Variants in SIAH1 observed in about 807,000 individuals in gnomAD.
SIAH1 encodes the protein E3 ubiquitin-protein ligase SIAH1.
In SIAH1, 2 loss-of-function variants were observed where a neutral mutation model predicts 20.0. That is an observed-to-expected ratio of 0.10 (90% CI 0.04 to 0.31). The LOEUF (loss-of-function observed/expected upper bound fraction) is 0.31. Ranked by LOEUF, SIAH1 falls within the 10% of genes least tolerant of loss-of-function variation. The probability of loss-of-function intolerance (pLI) is 1.00; values close to 1 mark genes in which losing one functional copy is unlikely to be tolerated. For missense variants in SIAH1, 119 were observed against 355.3 expected (o/e 0.33, Z 5.35); for synonymous variants, 118 against 125.3 (o/e 0.94, Z 0.39).
chr16:48,386,244 C>G (rs867746102), upstream of SIAH1, among the ~76,000 whole-genome samples: 1 of 152,226 alleles, frequency 6.6e-6, no homozygotes, highest in Non-Finnish European at 1.5e-5. Flanking sequence ...CGGTGGCTCA[C>G]GCCTGTAATC....
chr16:48,367,067 C>A (rs76954201), intron 1 of SIAH1, among the ~76,000 whole-genome samples: 1 of 152,080 alleles, frequency 6.6e-6, no homozygotes, highest in South Asian at 2.1e-4. Context: ...CCACCACTCT[C>A]GTTAATTTTC....
At chr16:48,376,280 A>G (rs950845123) in intron 1 of SIAH1, among the ~76,000 whole-genome samples, 2 of 152,194 alleles carry the variant, frequency 1.3e-5, no homozygotes, top group African/African-American at 2.4e-5. Flanking sequence ...TTTAATGCAC[A>G]TTTTATCATA....
At position 48,380,383 on chromosome 16, in the gene SIAH1, G is replaced by A. The variant is rs538353928; in HGVS notation, c.-3+4821C>T. 9.2e-5 allele frequency among the ~76,000 whole-genome samples: 14 copies of A among 152,162 alleles called. No individual in the cohort carries two copies. The South Asian group carries it at 2.9e-3, about 32-fold the overall frequency. ...GAGAACAACTGCTTGAGCCTGGGAG[G>A]CGGAGGTTGCAGTTAGCTGAGTTGG... On this transcript the variant is annotated intron_variant, in intron 1 of 1. Coordinates refer to ENST00000394725, the MANE Select transcript of SIAH1 (RefSeq NM_003031.4).
intron 1 of SIAH1, among the ~76,000 whole-genome samples, chr16:48,382,360 G>A (rs1465264797): frequency 6.6e-6 from 1 of 151,624 alleles, no homozygotes; most frequent in East Asian, 1.9e-4. Flanking sequence ...CTCCAGCCTG[G>A]GCAACATAGC....
intron 1 of SIAH1, among the ~76,000 whole-genome samples, chr16:48,376,237 T>C (rs1193721936): frequency 6.6e-6 from 1 of 152,164 alleles, no homozygotes; most frequent in Non-Finnish European, 1.5e-5. Context: ...TTTCATAAAA[T>C]TATTGGCAAC....
chr16:48,372,863 TA>T (rs1447763859), intron 1 of SIAH1, among the ~76,000 whole-genome samples: 1 of 152,196 alleles, frequency 6.6e-6, no homozygotes, highest in Non-Finnish European at 1.5e-5. Context: ...AGTGAATCAG[TA>T]ATTTGAATTT....
rs376591004 is a variant in SIAH1 at position 48,370,932 on chromosome 16, G to A, written c.-2-8502C>T. ...AGTTTGAGATCAGCCTGGCCAACGT[G>A]GTAAAAAGTTGTCTCTACTAAAAAT... On this transcript the variant is annotated intron_variant, in intron 1 of 1. Coordinates refer to ENST00000394725, the MANE Select transcript of SIAH1 (RefSeq NM_003031.4). 1.6e-3 allele frequency among the ~76,000 whole-genome samples: 242 copies of A among 152,066 alleles called. 4 individuals are homozygous for A. The South Asian group carries it at 0.02, about 13-fold the overall frequency.
At chr16:48,378,878 C>T (rs372795263) in intron 1 of SIAH1, among the ~76,000 whole-genome samples, 4 of 152,336 alleles carry the variant, frequency 2.6e-5, no homozygotes, top group East Asian at 1.9e-4. Context: ...CTTCAAAGGG[C>T]GAGCTCCTTA....
chr16:48,365,622 T>A, intron 1 of SIAH1: 3 of 1,440,358 alleles, frequency 2.1e-6, no homozygotes, highest in Non-Finnish European at 2.7e-6. Context: ...AAGCACCAGT[T>A]ACAGAGGTGG....
chr16:48,384,836 G>C (rs1430283396), intron 1 of SIAH1, among the ~76,000 whole-genome samples: 1 of 147,610 alleles, frequency 6.8e-6, no homozygotes, highest in Non-Finnish European at 1.5e-5. Context: ...ACGAGGGCGC[G>C]GGGCGCGCCG....
chr16:48,364,122 GTATT>G (rs1466498812), intron 1 of SIAH1, among the ~76,000 whole-genome samples: 4 of 151,554 alleles, frequency 2.6e-5, no homozygotes, highest in African/African-American at 7.3e-5. Context: ...ACTAATTTTT[GTATT>G]TTTAGTAGAG....
chr16:48,375,777 AT>A (rs1288019840), intron 1 of SIAH1, among the ~76,000 whole-genome samples: 1 of 152,266 alleles, frequency 6.6e-6, no homozygotes, highest in Non-Finnish European at 1.5e-5. Flanking sequence ...ATTTTCATGT[AT>A]GTATGCATGT....
At chr16:48,374,595 C>G (rs1024111599) in intron 1 of SIAH1, among the ~76,000 whole-genome samples, 1 of 152,080 alleles carries the variant, frequency 6.6e-6, no homozygotes, top group Non-Finnish European at 1.5e-5. Flanking sequence ...AAAGAAACTA[C>G]TGAAGATAAT....
intron 1 of SIAH1, among the ~76,000 whole-genome samples, chr16:48,379,566 A>G (rs1166236060): frequency 6.6e-6 from 1 of 152,368 alleles, no homozygotes; most frequent in East Asian, 1.9e-4. Context: ...CAGTCGCTCA[A>G]TAACTTTTTA....
At chr16:48,368,264 C>A (rs1280049049) in intron 1 of SIAH1, among the ~76,000 whole-genome samples, 1 of 152,194 alleles carries the variant, frequency 6.6e-6, no homozygotes, top group Non-Finnish European at 1.5e-5. Flanking sequence ...TATGAGGATA[C>A]TGGTGATTTT....
intron 1 of SIAH1, among the ~76,000 whole-genome samples, chr16:48,375,723 G>T (rs1019549629): frequency 4.6e-5 from 7 of 151,958 alleles, no homozygotes; most frequent in Non-Finnish European, 7.4e-5. Flanking sequence ...TAGGTTAAAA[G>T]AAAAAAATAG....
intron 1 of SIAH1, among the ~76,000 whole-genome samples, chr16:48,380,962 G>C (rs977037045): frequency 7.2e-5 from 7 of 97,166 alleles, no homozygotes; most frequent in African/African-American, 2.2e-4. Flanking sequence ...CTAAAATCCA[G>C]AACAGTGGTA....
chr16:48,365,201 G>T (rs768531090), intron 1 of SIAH1: 7 of 614,452 alleles, frequency 1.1e-5, no homozygotes, highest in Non-Finnish European at 1.4e-5. Context: ...CAGCCCTGCA[G>T]AAGTCATGAC....
chr16:48,385,414 G>C (rs1026008764), upstream of SIAH1: 2 of 153,118 alleles, frequency 1.3e-5, no homozygotes, highest in Non-Finnish European at 2.9e-5. Context: ...GCGCGTCCTC[G>C]AGCCCGCCGC....
Sources: gnomAD v4.1 joint callset for allele counts (sites outside exome capture counted in the v4.1 genomes callset) on GRCh38, gnomAD v4.1.1 for gene constraint, MANE v1.5 for transcripts, NCBI Gene and HGNC (gene_info 2026-07-23, HGNC 2026-07-21) for gene names.